TFAP2D: variants seen among roughly 807,000 people sequenced by gnomAD.
The protein encoded by TFAP2D is transcription factor AP-2 delta.
A neutral mutation model predicts 43.6 loss-of-function variants in TFAP2D; 9 were observed. The observed-to-expected ratio is 0.21, with a 90% confidence interval of 0.12 to 0.36. The LOEUF (loss-of-function observed/expected upper bound fraction) is 0.36. TFAP2D is among the 10% of genes least tolerant of loss of function. The pLI is 1.00. For synonymous variants in TFAP2D, 256 were observed against 224.9 expected, an observed-to-expected ratio of 1.14 and a Z score of -1.24; for missense variants, 513 against 561.4, an observed-to-expected ratio of 0.91 and a Z score of 0.87.
In TFAP2D at chr6:50,772,755, A is replaced by G. The variant is rs1368191400; in HGVS notation, c.1250A>G (p.Asn417Ser). Reference protein sequence around the residue: ...NYLEKHTTHKNGGAADSGQGH... With the variant: ...NYLEKHTTHKSGGAADSGQGH... Reference sequence around the variant, plus strand: ...TTGGAAAAACACACTACTCACAAGAACGGCGGAGCGGCGGATTCTGGCCAA... The same window carrying G: ...TTGGAAAAACACACTACTCACAAGAGCGGCGGAGCGGCGGATTCTGGCCAA... The change falls in exon 8 of 8, where the codon AAC (asparagine) becomes AGC (serine). Residue 417 changes from asparagine (N) to serine (S), a missense_variant. Transcript: ENST00000008391. 1.9e-6 allele frequency: 3 copies of G among 1,614,052 alleles called. No individual in the cohort carries two copies. Among genetic ancestry groups the G allele is most frequent in the African/African-American group, 1.3e-5 (1 of 74,924 alleles).
At chr6:50,719,501 G>GGAAGA (rs1554151923) in intron 3 of TFAP2D, among the ~76,000 whole-genome samples, 1 of 133,460 alleles carries the variant, frequency 7.5e-6, no homozygotes, top group East Asian at 2.2e-4. Context: ...AAGAAAGAAA[G>GGAAGA]AAGTTTCTCA....
intron 3 of TFAP2D, among the ~76,000 whole-genome samples, chr6:50,722,718 G>C (rs964281692): frequency 6.6e-6 from 1 of 152,022 alleles, no homozygotes; most frequent in East Asian, 1.9e-4. Flanking sequence ...GACCTCAGAA[G>C]TGGGCTAGAT....
intron 7 of TFAP2D, among the ~76,000 whole-genome samples, chr6:50,770,413 A>AT (rs113453093): frequency 0.27 from 40,244 of 151,304 alleles, 5,593 homozygotes; most frequent in East Asian, 0.41. Flanking sequence ...CAGAGATGGG[A>AT]ATTTTTTTTT....
chr6:50,723,922 C>A (rs1768768286), intron 3 of TFAP2D, among the ~76,000 whole-genome samples: 1 of 152,192 alleles, frequency 6.6e-6, no homozygotes, highest in Admixed American at 6.5e-5. Context: ...CTCTTTTGTT[C>A]TGCCTGGAAT....
chr6:50,757,640 T>A (rs9463643), intron 7 of TFAP2D, among the ~76,000 whole-genome samples: 10 of 70,152 alleles, frequency 1.4e-4, no homozygotes, highest in African/African-American at 5.5e-4. Context: ...ATATATATAA[T>A]TATTCTATAT....
chr6:50,722,469 G>A lies in TFAP2D; in HGVS notation c.598+3319G>A, dbSNP rs149890572. On this transcript the variant is annotated intron_variant, in intron 3 of 7. Coordinates refer to ENST00000008391, the MANE Select transcript of TFAP2D (RefSeq NM_172238.4). ...AATGAGGCTTCTATTTACAGGAGTCGTCTGTGTTTTTAATCATTAAAAAAA... is the reference window on the plus strand; with the variant it reads ...AATGAGGCTTCTATTTACAGGAGTCATCTGTGTTTTTAATCATTAAAAAAA... 4.8e-3 allele frequency among the ~76,000 whole-genome samples: 727 copies of A among 152,060 alleles called. 4 individuals carry two copies. The highest frequency in any genetic ancestry group is 0.017 in the African/African-American group (698 of 41,468).
chr6:50,730,571 T>C (rs1214189501), intron 5 of TFAP2D, among the ~76,000 whole-genome samples: 1 of 152,072 alleles, frequency 6.6e-6, no homozygotes, highest in East Asian at 1.9e-4. Context: ...ACATTTTAAG[T>C]AAAAATGTGG....
chr6:50,745,515 G>A (rs1214849582), intron 6 of TFAP2D, among the ~76,000 whole-genome samples: 1 of 152,104 alleles, frequency 6.6e-6, no homozygotes. Flanking sequence ...GAAATCCCTT[G>A]GAGAAAAACA....
At chr6:50,751,572 CTT>C (rs1368736795) in intron 7 of TFAP2D, among the ~76,000 whole-genome samples, 1 of 151,890 alleles carries the variant, frequency 6.6e-6, no homozygotes, top group Admixed American at 6.6e-5. Flanking sequence ...AAGGCTTGCT[CTT>C]TGCTTCAGAG....
chr6:50,770,549 A>G (rs1407545053), intron 7 of TFAP2D, among the ~76,000 whole-genome samples: 1 of 152,270 alleles, frequency 6.6e-6, no homozygotes, highest in East Asian at 1.9e-4. Flanking sequence ...AACAATCTCT[A>G]TCATTTATCT....
At chr6:50,726,863 C>T (rs1011759533) in intron 3 of TFAP2D, among the ~76,000 whole-genome samples, 2 of 152,136 alleles carry the variant, frequency 1.3e-5, no homozygotes, top group Non-Finnish European at 2.9e-5. Flanking sequence ...TGGCTTAAAA[C>T]TCGGTGAGAA....
intron 5 of TFAP2D, among the ~76,000 whole-genome samples, chr6:50,729,529 T>C (rs1581762712): frequency 6.6e-6 from 1 of 152,188 alleles, no homozygotes; most frequent in African/African-American, 2.4e-5. Context: ...ATCTTGGTAG[T>C]AATAGGAAAT....
At chr6:50,721,899 T>C (rs1221156192) in intron 3 of TFAP2D, among the ~76,000 whole-genome samples, 2 of 152,334 alleles carry the variant, frequency 1.3e-5, no homozygotes, top group East Asian at 3.9e-4. Flanking sequence ...AATGATGTTC[T>C]TGAAGAAATA....
rs1768607558 is a variant in TFAP2D at position 50,715,576 on chromosome 6, G to T, written c.500G>T (p.Ser167Ile). ...HPDQRLLPGP[S>I]LGLAAAGADD... ...GATCAAAGACTCCTGCCAGGGCCCA[G>T]CCTGGGGCTGGCCGCCGCGGGAGCA... The change falls in exon 2 of 8, where the codon AGC becomes ATC. Residue 167 changes from serine to isoleucine, a missense_variant. Coordinates refer to ENST00000008391, the MANE Select transcript of TFAP2D (RefSeq NM_172238.4). 6.2e-7 allele frequency: 1 copy of T among 1,601,330 alleles called. No homozygotes were observed. Among genetic ancestry groups the T allele is most frequent in the South Asian group, 1.1e-5 (1 of 90,978 alleles).
chr6:50,730,461 T>C (rs769454923), intron 5 of TFAP2D, among the ~76,000 whole-genome samples: 1 of 152,026 alleles, frequency 6.6e-6, no homozygotes, highest in Non-Finnish European at 1.5e-5. Context: ...GGCTGGCATA[T>C]GGTAGATGGC....
chr6:50,741,102 A>G (rs1197543059), intron 5 of TFAP2D, among the ~76,000 whole-genome samples: 4 of 151,498 alleles, frequency 2.6e-5, no homozygotes, highest in Non-Finnish European at 4.4e-5. Flanking sequence ...TGTATTTAAT[A>G]TAAGTATTTA....
chr6:50,751,637 C>G (rs1323016135), intron 7 of TFAP2D, among the ~76,000 whole-genome samples: 2 of 151,882 alleles, frequency 1.3e-5, no homozygotes, highest in African/African-American at 2.4e-5. Flanking sequence ...ACAAGATCCC[C>G]TGGGCTCTTT....
chr6:50,766,781 G>A (rs1769450662), intron 7 of TFAP2D, among the ~76,000 whole-genome samples: 1 of 146,244 alleles, frequency 6.8e-6, no homozygotes, highest in African/African-American at 2.5e-5. Flanking sequence ...CCATTCTCCT[G>A]CCTCAGCCTC....
intron 5 of TFAP2D, among the ~76,000 whole-genome samples, chr6:50,741,574 G>A (rs9367410): frequency 0.25 from 38,502 of 151,888 alleles, 5,469 homozygotes; most frequent in East Asian, 0.43. Context: ...TGCTAAGGAT[G>A]CTGGCCTAAG....
Sources: gnomAD v4.1 joint callset for allele counts (sites outside exome capture counted in the v4.1 genomes callset) on GRCh38, gnomAD v4.1.1 for gene constraint, MANE v1.5 for transcripts, NCBI Gene and HGNC (gene_info 2026-07-23, HGNC 2026-07-21) for gene names.